The following BTRC variants were observed in gnomAD, a reference collection of about 807,000 sequenced individuals.
BTRC encodes F-box/WD repeat-containing protein 1A.
BTRC carries 42 observed loss-of-function variants against 85.5 expected under a neutral mutation model. The ratio of observed to expected loss-of-function variants is 0.49; its 90% CI spans 0.38 to 0.64. The LOEUF is 0.64. Ranked by LOEUF, BTRC falls within the 30% of genes least tolerant of loss-of-function variation. BTRC has a pLI of 0.00. For missense variants in BTRC, 594 were observed against 743.5 expected, an observed-to-expected ratio of 0.80 and a Z score of 2.34; for synonymous variants, 255 against 263.3, an observed-to-expected ratio of 0.97 and a Z score of 0.30.
rs78520073 is a variant in BTRC at position 101,540,668 on chromosome 10, T to C, written c.1656+2297T>C. ...CTGCTGGGAATGTTTTTTAATTTTT[T>C]AATAAATAAATAGGTATGGGGTCTC... On this transcript the variant is annotated intron_variant, in intron 13 of 14. Coordinates refer to ENST00000370187, the MANE Select transcript of BTRC (RefSeq NM_033637.4). Among the ~76,000 whole-genome samples the C allele has an allele frequency of 7.9e-4, 120 of 152,286 alleles. 1 individual carries two copies. The East Asian group carries it at 0.017, about 21-fold the overall frequency.
intron 1 of BTRC, among the ~76,000 whole-genome samples, chr10:101,355,225 C>T (rs1942000584): frequency 3.3e-5 from 5 of 151,952 alleles, no homozygotes; most frequent in Admixed American, 3.3e-4. Flanking sequence ...GTGATGAGAT[C>T]AGTTGAGAAA....
chr10:101,408,831 G>T (rs1195071110), intron 1 of BTRC, among the ~76,000 whole-genome samples: 1 of 152,086 alleles, frequency 6.6e-6, no homozygotes, highest in African/African-American at 2.4e-5. Context: ...TGGATCATCT[G>T]AGGTCAGGAG....
At chr10:101,521,532 G>A (rs1045654428) in intron 4 of BTRC, 107 bp from the exon 5 acceptor site, 3 of 770,684 alleles carry the variant, frequency 3.9e-6, no homozygotes, top group South Asian at 3.8e-5. Flanking sequence ...TAACAGAGTG[G>A]GCTCAATCAT....
At chr10:101,529,823 T>C (rs781012778) in intron 6 of BTRC, among the ~76,000 whole-genome samples, 1 of 152,178 alleles carries the variant, frequency 6.6e-6, no homozygotes, top group Admixed American at 6.5e-5. Context: ...TATATTGTAA[T>C]GGAGCTATAG....
intron 1 of BTRC, among the ~76,000 whole-genome samples, chr10:101,400,300 A>G (rs1425297353): frequency 2.0e-5 from 3 of 152,204 alleles, no homozygotes; most frequent in African/African-American, 7.2e-5. Context: ...GTAGGCATCT[A>G]TTCTCTTTCT....
chr10:101,427,603 T>C (rs1225300238), intron 1 of BTRC, among the ~76,000 whole-genome samples: 2 of 151,646 alleles, frequency 1.3e-5, no homozygotes, highest in Non-Finnish European at 2.9e-5. Flanking sequence ...TCACCGCTCA[T>C]TGCTGCCCTG....
At chr10:101,403,225 T>C (rs868146223) in intron 1 of BTRC, among the ~76,000 whole-genome samples, 1 of 152,170 alleles carries the variant, frequency 6.6e-6, no homozygotes, top group Admixed American at 6.5e-5. Context: ...AAGTAACAGA[T>C]TGCTTCATTC....
intron 13 of BTRC, among the ~76,000 whole-genome samples, chr10:101,550,130 G>A (rs1046341613): frequency 1.3e-5 from 2 of 152,040 alleles, no homozygotes; most frequent in African/African-American, 2.4e-5. Flanking sequence ...TCCACCCTAC[G>A]CCAAAAAGGG....
At chr10:101,414,543 TA>T (rs1943873424) in intron 1 of BTRC, 34 of 439,824 alleles carry the variant, frequency 7.7e-5, no homozygotes, top group South Asian at 1.4e-4. Flanking sequence ...TTCTACTTAT[TA>T]AAAAAAATTA....
chr10:101,485,527 A>G (rs1418249865), intron 4 of BTRC, among the ~76,000 whole-genome samples: 1 of 152,288 alleles, frequency 6.6e-6, no homozygotes, highest in Non-Finnish European at 1.5e-5. Flanking sequence ...TAGACAGCTT[A>G]TAACAAAGCC....
chr10:101,423,804 C>A (rs920447629), intron 1 of BTRC, among the ~76,000 whole-genome samples: 3 of 152,194 alleles, frequency 2.0e-5, no homozygotes, highest in African/African-American at 7.2e-5. Context: ...TGTACTCCAC[C>A]TGTGCCCACT....
chr10:101,508,210 T>G (rs1946592600), intron 4 of BTRC, among the ~76,000 whole-genome samples: 1 of 152,264 alleles, frequency 6.6e-6, no homozygotes. Context: ...GATTGGCAAG[T>G]GTCCAGTCAT....
At chr10:101,398,913 C>T (rs1943429407) in intron 1 of BTRC, among the ~76,000 whole-genome samples, 1 of 152,140 alleles carries the variant, frequency 6.6e-6, no homozygotes, top group South Asian at 2.1e-4. Flanking sequence ...CCTGGCTAAC[C>T]GAAATCTGGC....
intron 1 of BTRC, among the ~76,000 whole-genome samples, chr10:101,375,185 G>A (rs543391080): frequency 2.6e-5 from 4 of 152,324 alleles, no homozygotes; most frequent in East Asian, 3.9e-4. Context: ...GATCATGGGG[G>A]CGGATTTCCG....
At chr10:101,478,941 GAA>G (rs765974783) in intron 3 of BTRC, among the ~76,000 whole-genome samples, 2 of 97,998 alleles carry the variant, frequency 2.0e-5, no homozygotes, top group Non-Finnish European at 4.3e-5. Context: ...TCCATCTGGG[GAA>G]AAAAAAAAAA....
At chr10:101,500,566 T>G (rs992587095) in intron 4 of BTRC, among the ~76,000 whole-genome samples, 18 of 151,952 alleles carry the variant, frequency 1.2e-4, no homozygotes, top group African/African-American at 3.4e-4. Flanking sequence ...CTGGAAACTG[T>G]GGGGAGGGAT....
intron 6 of BTRC, among the ~76,000 whole-genome samples, chr10:101,526,790 A>T (rs898433657): frequency 6.6e-5 from 10 of 152,210 alleles, no homozygotes; most frequent in African/African-American, 2.4e-4. Flanking sequence ...TTTTAAGCCC[A>T]AGTGGAATAA....
intron 6 of BTRC, among the ~76,000 whole-genome samples, chr10:101,528,392 G>C (rs1157872332): frequency 6.6e-6 from 1 of 152,190 alleles, no homozygotes; most frequent in African/African-American, 2.4e-5. Context: ...AACAATCATT[G>C]AGAAGATGGC....
chr10:101,504,173 C>A (rs1946459344), intron 4 of BTRC, among the ~76,000 whole-genome samples: 2 of 152,176 alleles, frequency 1.3e-5, no homozygotes. Context: ...CAACCTCCAC[C>A]TGAGGAAGTT....
Sources: allele counts gnomAD v4.1 joint callset (sites outside exome capture counted in the v4.1 genomes callset), GRCh38; gene constraint gnomAD v4.1.1; transcripts MANE v1.5; gene names NCBI Gene and HGNC (gene_info 2026-07-23, HGNC 2026-07-21).